CNMD: variants seen among roughly 807,000 people sequenced by gnomAD.
CNMD encodes leukocyte cell-derived chemotaxin 1.
CNMD carries 30 observed loss-of-function variants against 37.5 expected under a neutral mutation model. The ratio of observed to expected loss-of-function variants is 0.80; its 90% CI spans 0.60 to 1.09. The LOEUF is 1.09. Among genes scored for constraint, CNMD ranks in the 50% least tolerant of loss-of-function variants. CNMD has a pLI of 0.00. For missense variants in CNMD, 398 were observed against 423.9 expected (o/e 0.94, Z 0.54); for synonymous variants, 167 against 148.2 (o/e 1.13, Z -0.92).
intron 6 of CNMD, among the ~76,000 whole-genome samples, chr13:52,708,161 T>C (rs1964221224): frequency 6.8e-6 from 1 of 147,416 alleles, no homozygotes; most frequent in Admixed American, 7.0e-5. Context: ...GTTTGAAACC[T>C]CAAGTACAAA....
intron 4 of CNMD, among the ~76,000 whole-genome samples, chr13:52,719,034 A>G (rs1964436537): frequency 6.6e-6 from 1 of 152,188 alleles, no homozygotes; most frequent in African/African-American, 2.4e-5. Flanking sequence ...ATATATATTT[A>G]GGATAGTTAG....
At chr13:52,720,710 C>T (rs1964468123) in intron 4 of CNMD, among the ~76,000 whole-genome samples, 1 of 152,142 alleles carries the variant, frequency 6.6e-6, no homozygotes, top group African/African-American at 2.4e-5. Context: ...CAGATGCCAG[C>T]CGGAGCTCTC....
At position 52,714,125 on chromosome 13, in the gene CNMD, C is replaced by T. The variant is rs77241906; in HGVS notation, c.469-1256G>A. 6.6e-3 allele frequency among the ~76,000 whole-genome samples: 1,005 copies of T among 152,228 alleles called. 10 individuals are homozygous for T. The highest frequency in any genetic ancestry group is 0.023 in the African/African-American group (961 of 41,524). ...CTGCTTTTCCTGATTAAAGGGAAGTCGTGGTTGGCATTGCTCAATGTCTTT... is the reference window on the plus strand; with the variant it reads ...CTGCTTTTCCTGATTAAAGGGAAGTTGTGGTTGGCATTGCTCAATGTCTTT... On this transcript the variant is annotated intron_variant, in intron 4 of 6. Transcript: ENST00000377962.
chr13:52,720,673 GA>G (rs1964467105), intron 4 of CNMD, among the ~76,000 whole-genome samples: 1 of 152,140 alleles, frequency 6.6e-6, no homozygotes, highest in African/African-American at 2.4e-5. Context: ...CCTTCCTCTG[GA>G]AGCTTTGTCC....
chr13:52,707,614 T>C (rs1964207128), intron 6 of CNMD, among the ~76,000 whole-genome samples: 1 of 152,204 alleles, frequency 6.6e-6, no homozygotes, highest in Non-Finnish European at 1.5e-5. Flanking sequence ...AATACTTCCA[T>C]TCCATATGTT....
In CNMD at chr13:52,733,347, G is replaced by A. The variant is rs772293996; in HGVS notation, c.226C>T (p.His76Tyr). ...TTCCCATTGATACTCATGGTGTAAT[G>A]GACATTGTAAATCTGAAAGTGAGCA... The part of the protein sequence containing the change: ...KGSDSHIYNV[H>Y]YTMSINGKLQ... Residue 76 changes from histidine to tyrosine, a missense_variant, in exon 3 of 7, where the codon CAT becomes TAT. Transcript: ENST00000377962. 1 of 1,613,858 alleles carries A rather than the reference G, an allele frequency of 6.2e-7. No homozygotes were observed. Among genetic ancestry groups the A allele is most frequent in the Non-Finnish European group, 8.5e-7 (1 of 1,179,792 alleles).
At chr13:52,719,694 T>A (rs1346293544) in intron 4 of CNMD, among the ~76,000 whole-genome samples, 2 of 152,326 alleles carry the variant, frequency 1.3e-5, no homozygotes, top group East Asian at 3.9e-4. Flanking sequence ...CCAAGAGATC[T>A]GCTGTTAGTC....
intron 4 of CNMD, among the ~76,000 whole-genome samples, chr13:52,714,112 A>T (rs1268487551): frequency 6.6e-6 from 1 of 152,118 alleles, no homozygotes; most frequent in Non-Finnish European, 1.5e-5. Context: ...GCTTTTCCTG[A>T]TTAAAGGGAA....
rs761211824 is a variant in CNMD, at chr13:52,733,220, T to G, written c.353A>C (p.Asn118Thr). 19 of 1,613,938 alleles carry G rather than the reference T, an allele frequency of 1.2e-5. No individual in the cohort carries two copies. The highest frequency in any genetic ancestry group is 1.6e-5 in the Non-Finnish European group (19 of 1,179,922). ...TCTAAATGCATGAAATATACTTACATTCTGGAAATCATTAACTGCAATTGC... is the reference window on the plus strand; with the variant it reads ...TCTAAATGCATGAAATATACTTACAGTCTGGAAATCATTAACTGCAATTGC... ...EEAIAVNDFQ[N>T]GITGIRFAGG... The change falls in exon 3 of 7, where the codon AAT (asparagine) becomes ACT (threonine). Residue 118 changes from asparagine to threonine, a missense_variant and splice_region_variant. Asn to Thr is a moderately conservative substitution (Grantham distance 65). Coordinates refer to ENST00000377962, the MANE Select transcript of CNMD (RefSeq NM_007015.3).
intron 6 of CNMD, among the ~76,000 whole-genome samples, chr13:52,707,079 A>G (rs1388592978): frequency 6.6e-6 from 1 of 151,996 alleles, no homozygotes; most frequent in African/African-American, 2.4e-5. Flanking sequence ...TTTTTAGTAG[A>G]GACGGGGTTT....
chr13:52,739,811 G>C lies in CNMD; in HGVS notation c.-110C>G. On this transcript the variant is annotated 5_prime_UTR_variant, in exon 1 of 7. Coordinates refer to ENST00000377962, the MANE Select transcript of CNMD (RefSeq NM_007015.3). This position sits in a 1 kb window ranked among gnomAD's most constrained non-coding sequence, Gnocchi z 5.4. ...AACGCCGCGCGCACACACGGTGCAC[G>C]GTCCCGCCTGGGCCAGCCCAGCGGT... The C allele has an allele frequency of 4.4e-6, 4 of 899,442 alleles. No homozygotes were observed. The highest frequency in any genetic ancestry group is 1.5e-5 in the South Asian group (1 of 65,030). The allele number at this position is 899,442 out of a possible 1,614,324, so 55.7% of individuals were successfully genotyped here. A position where few individuals can be genotyped will look rare whatever the true frequency, so the allele number is the denominator to read the frequency against.
At chr13:52,705,562 CCT>C (rs1168105186) in intron 6 of CNMD, among the ~76,000 whole-genome samples, 1 of 152,110 alleles carries the variant, frequency 6.6e-6, no homozygotes, top group East Asian at 1.9e-4. Context: ...AGTTAAAAGG[CCT>C]GTCAGTTGAG....
chr13:52,736,485 T>C (rs1964767433), intron 2 of CNMD, among the ~76,000 whole-genome samples: 1 of 152,010 alleles, frequency 6.6e-6, no homozygotes, highest in Non-Finnish European at 1.5e-5. Context: ...AGTGAAGCTG[T>C]CCCCCTCCTG....
intron 2 of CNMD, among the ~76,000 whole-genome samples, chr13:52,736,344 G>A (rs542894690): frequency 2.6e-4 from 40 of 152,208 alleles, no homozygotes; most frequent in African/African-American, 9.2e-4. Context: ...GGCCAGGCTG[G>A]TCTTGAACTC....
At chr13:52,706,752 T>G (rs557511092) in intron 6 of CNMD, among the ~76,000 whole-genome samples, 13 of 148,610 alleles carry the variant, frequency 8.7e-5, no homozygotes, top group African/African-American at 3.1e-4. Context: ...TGTGTGTGTC[T>G]GTGGGTGTGT....
At chr13:52,726,317 T>A (rs755270671) in intron 3 of CNMD, among the ~76,000 whole-genome samples, 2 of 152,154 alleles carry the variant, frequency 1.3e-5, no homozygotes, top group African/African-American at 2.4e-5. Context: ...GAGAAAGGTG[T>A]TCAAGGTAAC....
Position 52,703,752 on chromosome 13 carries a change from C to T in CNMD, c.848G>A (p.Cys283Tyr). Residue 283 changes from cysteine to tyrosine, a missense_variant, in exon 7 of 7, where the codon TGT becomes TAT. Cys to Tyr is a radical substitution (Grantham distance 194). Transcript: ENST00000377962. ...GGTGTAGCTCCGCCTACATTCTATA[C>T]AACAGATTCCTTCGTGATCCAGTCT... ...DPRLDHEGICCIECRRSYTHC... is the reference protein window; with the variant it reads ...DPRLDHEGICYIECRRSYTHC... 6.2e-7 allele frequency: 1 copy of T among 1,613,958 alleles called. No homozygotes were observed. Among genetic ancestry groups the T allele is most frequent in the Non-Finnish European group, 8.5e-7 (1 of 1,179,848 alleles).
chr13:52,729,865 C>T (rs1428797727), intron 3 of CNMD, among the ~76,000 whole-genome samples: 1 of 151,746 alleles, frequency 6.6e-6, no homozygotes, highest in Non-Finnish European at 1.5e-5. Context: ...TTTTTGGGTA[C>T]ATGTGCACAA....
intron 5 of CNMD, among the ~76,000 whole-genome samples, chr13:52,709,066 GAC>G (rs1476158316): frequency 1.3e-5 from 2 of 152,096 alleles, no homozygotes; most frequent in Non-Finnish European, 2.9e-5. Context: ...GGCCAGGTGA[GAC>G]ATATCTGACC....
Sources: allele counts gnomAD v4.1 joint callset (sites outside exome capture counted in the v4.1 genomes callset), GRCh38; gene constraint gnomAD v4.1.1; non-coding constraint Gnocchi (gnomAD v3.1); transcripts MANE v1.5; gene names NCBI Gene and HGNC (gene_info 2026-07-23, HGNC 2026-07-21).